Variants in SPATA6 observed in about 807,000 individuals in gnomAD.
The protein encoded by SPATA6 is spermatogenesis associated 6.
Under a neutral mutation model 65.3 loss-of-function variants are expected in SPATA6, and 56 were observed. That is an observed-to-expected ratio of 0.86 (90% CI 0.69 to 1.07). The LOEUF (loss-of-function observed/expected upper bound fraction) is 1.07, where lower values mean the gene tolerates loss of function less well. SPATA6 is among the 50% of genes least tolerant of loss of function. The pLI, the probability that SPATA6 is intolerant of heterozygous loss-of-function variation, is 0.00. For synonymous variants in SPATA6, 199 were observed against 213.2 expected (o/e 0.93, Z 0.58); for missense variants, 590 against 594.8 (o/e 0.99, Z 0.08).
At chr1:48,373,641 A>T (rs1003829162) in intron 9 of SPATA6, among the ~76,000 whole-genome samples, 1 of 152,220 alleles carries the variant, frequency 6.6e-6, no homozygotes, top group Admixed American at 6.5e-5. Flanking sequence ...AAAGACATAC[A>T]CAAGACTGGG....
At chr1:48,371,219 T>C (rs570870428) in intron 9 of SPATA6, among the ~76,000 whole-genome samples, 2 of 152,088 alleles carry the variant, frequency 1.3e-5, no homozygotes, top group Non-Finnish European at 2.9e-5. Context: ...CAACAGGTGC[T>C]GGAAACAGCA....
intron 9 of SPATA6, among the ~76,000 whole-genome samples, chr1:48,378,688 G>A (rs577432050): frequency 5.3e-5 from 8 of 152,220 alleles, no homozygotes; most frequent in East Asian, 1.9e-4. Context: ...AAAGATAGAC[G>A]CTTACAGTTC....
intron 11 of SPATA6, among the ~76,000 whole-genome samples, chr1:48,314,988 C>T (rs1645361703): frequency 6.6e-6 from 1 of 152,204 alleles, no homozygotes; most frequent in South Asian, 2.1e-4. Flanking sequence ...CAAGACTAAA[C>T]CAGGAAGAAG....
At chr1:48,422,228 A>C (rs988149320) in intron 3 of SPATA6, among the ~76,000 whole-genome samples, 5 of 152,206 alleles carry the variant, frequency 3.3e-5, no homozygotes, top group Non-Finnish European at 5.9e-5. Flanking sequence ...ATCTGGACAA[A>C]TTATTTTTTA....
chr1:48,368,765 T>C (rs978605335), intron 9 of SPATA6, among the ~76,000 whole-genome samples: 3 of 152,196 alleles, frequency 2.0e-5, no homozygotes, highest in African/African-American at 4.8e-5. Context: ...TCGGAGTAGT[T>C]TGATCGTCCG....
chr1:48,332,754 C>A (rs72891587), intron 11 of SPATA6, among the ~76,000 whole-genome samples: 1,861 of 152,238 alleles, frequency 0.012, 39 homozygotes, highest in African/African-American at 0.042. Flanking sequence ...ACTTTCCACC[C>A]CAAAGCAACA....
chr1:48,331,087 G>A (rs943525035), intron 11 of SPATA6, among the ~76,000 whole-genome samples: 15 of 152,224 alleles, frequency 9.9e-5, no homozygotes, highest in Admixed American at 8.5e-4. Context: ...TCCGTTCAAA[G>A]GACAGCAAAT....
intron 11 of SPATA6, among the ~76,000 whole-genome samples, chr1:48,323,221 A>G (rs1645650744): frequency 6.6e-6 from 1 of 152,324 alleles, no homozygotes; most frequent in South Asian, 2.1e-4. Flanking sequence ...CATATATACC[A>G]TGGAATACTA....
the SPATA6 span, among the ~76,000 whole-genome samples, chr1:48,280,201 A>G: frequency 1.3e-5 from 2 of 152,146 alleles, no homozygotes; most frequent in East Asian, 3.8e-4. Context: ...CGGGAAATTT[A>G]TAGCACTAAA....
At chr1:48,428,815 G>GTA (rs746601806) in intron 3 of SPATA6, among the ~76,000 whole-genome samples, 2 of 118,100 alleles carry the variant, frequency 1.7e-5, no homozygotes, top group Admixed American at 8.4e-5. Flanking sequence ...GTGTGTATAT[G>GTA]TATATATATG....
At chr1:48,265,512 T>G in the SPATA6 span, among the ~76,000 whole-genome samples, 1 of 152,068 alleles carries the variant, frequency 6.6e-6, no homozygotes, top group Non-Finnish European at 1.5e-5. Flanking sequence ...TTTTTGCCTG[T>G]TTTTATAAAA....
At chr1:48,470,097 A>G (rs539174047) in intron 1 of SPATA6, among the ~76,000 whole-genome samples, 1 of 152,178 alleles carries the variant, frequency 6.6e-6, no homozygotes, top group South Asian at 2.1e-4. Context: ...TTTAGCTCTG[A>G]TAAGTAACAA....
chr1:48,470,609 G>A (rs1460629668), intron 1 of SPATA6, among the ~76,000 whole-genome samples: 1 of 152,032 alleles, frequency 6.6e-6, no homozygotes, highest in Non-Finnish European at 1.5e-5. Flanking sequence ...ACGCACACTT[G>A]CCTTCTTTAA....
intron 1 of SPATA6, among the ~76,000 whole-genome samples, chr1:48,456,257 T>C (rs1458444834): frequency 6.6e-6 from 1 of 152,202 alleles, no homozygotes. Context: ...GGCCACTCTT[T>C]AGGAGAACAT....
intron 9 of SPATA6, among the ~76,000 whole-genome samples, chr1:48,364,524 G>A (rs1452839805): frequency 6.6e-6 from 1 of 152,180 alleles, no homozygotes; most frequent in Non-Finnish European, 1.5e-5. Flanking sequence ...TCTCATTGTG[G>A]TTTTGATTTG....
chr1:48,348,994 T>A (rs571430110), intron 11 of SPATA6, among the ~76,000 whole-genome samples: 6 of 152,114 alleles, frequency 3.9e-5, no homozygotes, highest in African/African-American at 1.4e-4. Context: ...TATCCCTGTA[T>A]GAAACACATT....
At chr1:48,331,412 AC>A (rs1484192043) in intron 11 of SPATA6, among the ~76,000 whole-genome samples, 2 of 150,962 alleles carry the variant, frequency 1.3e-5, no homozygotes, top group Non-Finnish European at 3.0e-5. Flanking sequence ...AAAAAAAAAA[AC>A]CTACAAAAAT....
At chr1:48,410,967 T>A (rs1652171318) in intron 5 of SPATA6, among the ~76,000 whole-genome samples, 1 of 152,218 alleles carries the variant, frequency 6.6e-6, no homozygotes, top group South Asian at 2.1e-4. Context: ...ATTTATTAAA[T>A]TTTCCCAATC....
At position 48,354,901 on chromosome 1, in the gene SPATA6, T is replaced by C. The variant is rs180714799; in HGVS notation, c.1194+769A>G. ...GCTGTTACTTATTATTTGTGCATTT[T>C]CTATGTGTTCTTTTCTATGCTTTGA... On this transcript the variant is annotated intron_variant, in intron 11 of 12. Transcript: ENST00000371847. 8.5e-5 allele frequency among the ~76,000 whole-genome samples: 13 copies of C among 152,234 alleles called. No homozygotes were observed. In the East Asian group the frequency reaches 1.3e-3, roughly 16 times the overall value.
Sources: allele counts gnomAD v4.1 joint callset (sites outside exome capture counted in the v4.1 genomes callset), GRCh38; gene constraint gnomAD v4.1.1; transcripts MANE v1.5; gene names NCBI Gene and HGNC (gene_info 2026-07-23, HGNC 2026-07-21).